The following CNTN1 variants were observed in gnomAD, a reference collection of about 807,000 sequenced individuals.
CNTN1 encodes the protein contactin 1, also known as contactin-1.
In CNTN1, 38 loss-of-function variants were observed where a neutral mutation model predicts 126.4. The ratio of observed to expected loss-of-function variants is 0.30; its 90% CI spans 0.23 to 0.39. CNTN1 has a LOEUF of 0.39. Ranked by LOEUF, CNTN1 falls within the 10% of genes least tolerant of loss-of-function variation. The probability of loss-of-function intolerance (pLI) is 1.00; values close to 1 mark genes in which losing one functional copy is unlikely to be tolerated. For missense variants in CNTN1, 1,009 were observed against 1,248.4 expected, an observed-to-expected ratio of 0.81 and a Z score of 2.89; for synonymous variants, 413 against 422.6, an observed-to-expected ratio of 0.98 and a Z score of 0.28.
intron 1 of CNTN1, among the ~76,000 whole-genome samples, chr12:40,829,885 G>C (rs973236641): frequency 6.6e-6 from 1 of 151,946 alleles, no homozygotes; most frequent in South Asian, 2.1e-4. Flanking sequence ...GAATGGAGGG[G>C]GGCAGAAACT....
At chr12:40,862,369 C>A (rs1943143808) in intron 1 of CNTN1, among the ~76,000 whole-genome samples, 1 of 152,184 alleles carries the variant, frequency 6.6e-6, no homozygotes, top group Admixed American at 6.5e-5. Context: ...GGACTGGTAC[C>A]AGTCTACTGC....
intron 4 of CNTN1, among the ~76,000 whole-genome samples, chr12:40,919,646 A>C (rs956226546): frequency 1.3e-5 from 2 of 152,152 alleles, no homozygotes; most frequent in African/African-American, 4.8e-5. Flanking sequence ...GTTCTTACAA[A>C]AGAGAATATC....
At chr12:40,998,660 T>C (rs1196110636) in intron 17 of CNTN1, among the ~76,000 whole-genome samples, 1 of 152,092 alleles carries the variant, frequency 6.6e-6, no homozygotes, top group African/African-American at 2.4e-5. Flanking sequence ...TTTTGATAGC[T>C]CTTCAGAATT....
intron 1 of CNTN1, among the ~76,000 whole-genome samples, chr12:40,860,212 A>C (rs1943068543): frequency 6.6e-6 from 1 of 152,160 alleles, no homozygotes; most frequent in Non-Finnish European, 1.5e-5. Context: ...TATAAAACTG[A>C]AAAAGATTAT....
At chr12:41,001,473 C>A (rs1362529551) in intron 17 of CNTN1, among the ~76,000 whole-genome samples, 4 of 151,852 alleles carry the variant, frequency 2.6e-5, no homozygotes, top group East Asian at 1.9e-4. Flanking sequence ...AATTTAAATT[C>A]TTTATAGCTG....
chr12:40,892,955 T>TGGGCG (rs1555174964), intron 1 of CNTN1, among the ~76,000 whole-genome samples: 1 of 134,868 alleles, frequency 7.4e-6, no homozygotes, highest in African/African-American at 3.2e-5. Context: ...AAATGAAAAC[T>TGGGCG]GGGGGGGGTG....
intron 23 of CNTN1, among the ~76,000 whole-genome samples, chr12:41,042,087 A>T (rs1476384224): frequency 6.6e-6 from 1 of 151,808 alleles, no homozygotes; most frequent in East Asian, 1.9e-4. Flanking sequence ...ACTGCTTTGA[A>T]TGTGTCCCAG....
At position 41,000,557 on chromosome 12, in the gene CNTN1, T is replaced by C. The variant is rs138931142; in HGVS notation, c.2113+7288T>C. ...TAACAGTCATGTAATCACAGTTGAATAGTAAAATAAAATCTCTCAAACTTC... is the reference window on the plus strand; with the variant it reads ...TAACAGTCATGTAATCACAGTTGAACAGTAAAATAAAATCTCTCAAACTTC... On this transcript the variant is annotated intron_variant, in intron 17 of 23. Coordinates refer to ENST00000551295, the MANE Select transcript of CNTN1 (RefSeq NM_001843.4). 2.0e-5 allele frequency among the ~76,000 whole-genome samples: 3 copies of C among 152,268 alleles called. No individual in the cohort carries two copies. In the East Asian group the frequency reaches 5.8e-4, roughly 29 times the overall value.
chr12:40,948,594 C>T (rs193224140), intron 14 of CNTN1, among the ~76,000 whole-genome samples: 22 of 152,204 alleles, frequency 1.4e-4, no homozygotes, highest in Admixed American at 3.9e-4. Flanking sequence ...TCATACAAGT[C>T]GCTAGAGGCT....
intron 1 of CNTN1, among the ~76,000 whole-genome samples, chr12:40,843,250 A>C (rs1942360223): frequency 6.6e-6 from 1 of 152,168 alleles, no homozygotes; most frequent in South Asian, 2.1e-4. Context: ...TGGCCAGTTC[A>C]GGTGATAAAG....
intron 1 of CNTN1, among the ~76,000 whole-genome samples, chr12:40,846,782 C>T (rs1009449858): frequency 2.0e-5 from 3 of 152,170 alleles, no homozygotes; most frequent in African/African-American, 7.2e-5. Flanking sequence ...ACCTCCATCT[C>T]CTGGGTTCAA....
intron 1 of CNTN1, among the ~76,000 whole-genome samples, chr12:40,799,723 G>A (rs1321066300): frequency 6.6e-6 from 1 of 151,958 alleles, no homozygotes; most frequent in Non-Finnish European, 1.5e-5. Context: ...CTTGCATAAA[G>A]TTTATATATT....
intron 1 of CNTN1, among the ~76,000 whole-genome samples, chr12:40,872,013 A>T (rs1943515611): frequency 6.6e-6 from 1 of 152,204 alleles, no homozygotes; most frequent in African/African-American, 2.4e-5. Context: ...AGGAAATGAT[A>T]AAAAACTATT....
intron 23 of CNTN1, among the ~76,000 whole-genome samples, chr12:41,049,130 A>G (rs918600088): frequency 6.6e-6 from 1 of 152,132 alleles, no homozygotes; most frequent in Non-Finnish European, 1.5e-5. Context: ...AAGAGCTGCC[A>G]TTCTCAGTCT....
chr12:41,055,498 A>T (rs987150016), intron 23 of CNTN1, among the ~76,000 whole-genome samples: 1 of 152,018 alleles, frequency 6.6e-6, no homozygotes, highest in Non-Finnish European at 1.5e-5. Flanking sequence ...TGGCATTCTA[A>T]GTGCAATTGT....
At chr12:41,020,569 G>C (rs1201776018) in intron 20 of CNTN1, 129 bp downstream of exon 20, 2 of 653,712 alleles carry the variant, frequency 3.1e-6, no homozygotes, top group Non-Finnish European at 5.4e-6. Context: ...TCTGTGTCTA[G>C]TATTGTGGTC....
chr12:40,723,988 C>T (rs776166503), intron 1 of CNTN1, among the ~76,000 whole-genome samples: 3 of 152,094 alleles, frequency 2.0e-5, no homozygotes, highest in Non-Finnish European at 2.9e-5. Flanking sequence ...GAGAGAGTTA[C>T]AAATTATATT....
At chr12:40,701,438 T>C (rs1485008639) in intron 1 of CNTN1, among the ~76,000 whole-genome samples, 2 of 152,158 alleles carry the variant, frequency 1.3e-5, no homozygotes, top group African/African-American at 4.8e-5. Flanking sequence ...TCTAATCTGA[T>C]AGTATTTAAT....
intron 17 of CNTN1, chr12:41,004,955 G>T (rs894776393): frequency 6.6e-6 from 1 of 152,118 alleles, no homozygotes; most frequent in African/African-American, 2.4e-5. Context: ...GATATGTGTG[G>T]ATTTTACACT....
Sources: allele counts gnomAD v4.1 joint callset (sites outside exome capture counted in the v4.1 genomes callset), GRCh38; gene constraint gnomAD v4.1.1; transcripts MANE v1.5; gene names NCBI Gene and HGNC (gene_info 2026-07-23, HGNC 2026-07-21).